Variants in ROBO1 observed in about 807,000 individuals in gnomAD.
The protein encoded by ROBO1 is roundabout homolog 1.
In ROBO1, 149 loss-of-function variants were observed where a neutral mutation model predicts 195.9. The observed-to-expected ratio is 0.76, with a 90% CI of 0.67 to 0.87. The LOEUF (loss-of-function observed/expected upper bound fraction) is 0.87. Ranked by LOEUF, ROBO1 falls within the 40% of genes least tolerant of loss-of-function variation. The probability of loss-of-function intolerance (pLI) is 0.00; values close to 1 mark genes in which losing one functional copy is unlikely to be tolerated. For missense variants in ROBO1, 1,933 were observed against 2,068.3 expected (o/e 0.93, Z 1.27); for synonymous variants, 816 against 733.2 (o/e 1.11, Z -1.82).
intron 2 of ROBO1, among the ~76,000 whole-genome samples, chr3:79,583,971 C>T (rs2107797406): frequency 6.6e-6 from 1 of 151,778 alleles, no homozygotes; most frequent in South Asian, 2.1e-4. Context: ...ATAACAGAAC[C>T]CAAACCAAAA....
At chr3:79,319,818 G>A (rs974997251) in intron 2 of ROBO1, among the ~76,000 whole-genome samples, 1 of 152,124 alleles carries the variant, frequency 6.6e-6, no homozygotes, top group Non-Finnish European at 1.5e-5. Flanking sequence ...ATAGGTACTT[G>A]AATAAAGAGT....
chr3:79,656,824 G>A (rs904651357), intron 1 of ROBO1, among the ~76,000 whole-genome samples: 4 of 152,120 alleles, frequency 2.6e-5, no homozygotes, highest in East Asian at 1.9e-4. Context: ...TTGAGCCCAG[G>A]AGGTTGAAGC....
intron 2 of ROBO1, among the ~76,000 whole-genome samples, chr3:79,516,234 A>G (rs1394957988): frequency 6.6e-6 from 1 of 152,196 alleles, no homozygotes; most frequent in Non-Finnish European, 1.5e-5. Flanking sequence ...ATTTTAAATA[A>G]AGATAACATA....
chr3:79,383,787 T>G (rs145722876), intron 2 of ROBO1, among the ~76,000 whole-genome samples: 346 of 152,204 alleles, frequency 2.3e-3, no homozygotes, highest in African/African-American at 8.0e-3. Context: ...TAAGTTTCAT[T>G]AGATGAATTG....
chr3:79,349,429 T>C (rs1248638122), intron 2 of ROBO1, among the ~76,000 whole-genome samples: 5 of 152,214 alleles, frequency 3.3e-5, no homozygotes. Context: ...GAATATGAGC[T>C]GACTTCTTTT....
chr3:79,297,586 T>C (rs978910255), intron 2 of ROBO1, among the ~76,000 whole-genome samples: 2 of 152,148 alleles, frequency 1.3e-5, no homozygotes, highest in African/African-American at 2.4e-5. Flanking sequence ...GATCTCACTC[T>C]GAAATTAAAA....
chr3:79,215,470 A>G (rs2082040765), intron 2 of ROBO1, among the ~76,000 whole-genome samples: 1 of 152,054 alleles, frequency 6.6e-6, no homozygotes, highest in African/African-American at 2.4e-5. Context: ...CCGACCCAAC[A>G]AACGATTTAT....
intron 2 of ROBO1, among the ~76,000 whole-genome samples, chr3:79,412,437 C>T (rs1248847215): frequency 1.3e-5 from 2 of 152,062 alleles, no homozygotes; most frequent in African/African-American, 4.8e-5. Flanking sequence ...TTCTGTAGCA[C>T]AGATTATAGT....
chr3:79,610,458 A>G (rs1417592622), intron 1 of ROBO1, among the ~76,000 whole-genome samples: 1 of 151,994 alleles, frequency 6.6e-6, no homozygotes, highest in Non-Finnish European at 1.5e-5. Flanking sequence ...ACTGTATTAA[A>G]AGATAGTGTT....
intron 1 of ROBO1, among the ~76,000 whole-genome samples, chr3:79,678,850 C>A (rs1369344396): frequency 6.6e-6 from 1 of 151,998 alleles, no homozygotes; most frequent in Non-Finnish European, 1.5e-5. Context: ...TCCAGGCAAC[C>A]AACTGCTTTG....
At chr3:79,246,116 A>G (rs1357331063) in intron 2 of ROBO1, among the ~76,000 whole-genome samples, 1 of 152,170 alleles carries the variant, frequency 6.6e-6, no homozygotes, top group East Asian at 1.9e-4. Flanking sequence ...TTGTGTACCT[A>G]TATGGATGCT....
intron 1 of ROBO1, among the ~76,000 whole-genome samples, chr3:79,610,433 T>G (rs981412572): frequency 1.6e-4 from 24 of 152,036 alleles, no homozygotes; most frequent in Admixed American, 1.6e-3. Context: ...AACTGAAACT[T>G]CGGAAAGCAA....
At chr3:78,629,166 A>C (rs1705012314) in intron 25 of ROBO1, among the ~76,000 whole-genome samples, 1 of 152,126 alleles carries the variant, frequency 6.6e-6, no homozygotes, top group African/African-American at 2.4e-5. Flanking sequence ...ATGTCCATAA[A>C]ACCCCTTCTT....
At chr3:79,548,645 T>G (rs965928426) in intron 2 of ROBO1, among the ~76,000 whole-genome samples, 8 of 152,198 alleles carry the variant, frequency 5.3e-5, no homozygotes, top group African/African-American at 1.9e-4. Flanking sequence ...TGCAATAGGT[T>G]CAAGTTTTAT....
intron 4 of ROBO1, among the ~76,000 whole-genome samples, chr3:78,831,686 C>T (rs2108742431): frequency 6.6e-6 from 1 of 152,242 alleles, no homozygotes; most frequent in South Asian, 2.1e-4. Context: ...TAAAGATGTA[C>T]CCAAGACTGT....
intron 4 of ROBO1, among the ~76,000 whole-genome samples, chr3:78,813,585 A>C (rs1444140086): frequency 6.6e-6 from 1 of 152,022 alleles, no homozygotes; most frequent in Non-Finnish European, 1.5e-5. Flanking sequence ...ACCAAAATAT[A>C]TTTTTGTCAT....
intron 1 of ROBO1, among the ~76,000 whole-genome samples, chr3:79,689,418 C>A (rs1947234507): frequency 6.6e-6 from 1 of 151,878 alleles, no homozygotes; most frequent in Non-Finnish European, 1.5e-5. Flanking sequence ...ATCTTTATTC[C>A]TGATTGTTTC....
At chr3:78,720,961 C>T (rs569142300) in intron 5 of ROBO1, among the ~76,000 whole-genome samples, 5 of 140,890 alleles carry the variant, frequency 3.5e-5, no homozygotes, top group East Asian at 2.0e-4. Context: ...GGGGGGGGGG[C>T]GGTGGAGGCA....
chr3:79,675,242 T>C (rs1054845173), intron 1 of ROBO1, among the ~76,000 whole-genome samples: 4 of 150,848 alleles, frequency 2.7e-5, no homozygotes, highest in Non-Finnish European at 4.4e-5. Flanking sequence ...GTGTTTTTTT[T>C]ATTTATATGT....
Sources: allele counts gnomAD v4.1 joint callset (sites outside exome capture counted in the v4.1 genomes callset), GRCh38; gene constraint gnomAD v4.1.1; transcripts MANE v1.5; gene names NCBI Gene and HGNC (gene_info 2026-07-23, HGNC 2026-07-21).